The following MUC20 variants were observed in gnomAD, a reference collection of about 807,000 sequenced individuals.
MUC20 encodes the protein mucin 20, cell surface associated, also known as mucin-20.
MUC20 carries 14 observed loss-of-function variants against 23.8 expected under a neutral mutation model. The ratio of observed to expected loss-of-function variants is 0.59; its 90% CI spans 0.39 to 0.92. MUC20 has a LOEUF of 0.92. MUC20 is among the 40% of genes least tolerant of loss of function. The pLI, the probability that MUC20 is intolerant of heterozygous loss-of-function variation, is 0.00. For synonymous variants in MUC20, 166 were observed against 279.3 expected, an observed-to-expected ratio of 0.59 and a Z score of 4.04; for missense variants, 375 against 668.8, an observed-to-expected ratio of 0.56 and a Z score of 4.85.
chr3:195,728,647 CTT>C (rs1184606174), intron 2 of MUC20, among the ~76,000 whole-genome samples: 2 of 152,014 alleles, frequency 1.3e-5, no homozygotes, highest in African/African-American at 2.4e-5. Context: ...AGGAGATCCT[CTT>C]TTACTAATCC....
At chr3:195,728,464 G>A (rs1480376242) in intron 2 of MUC20, among the ~76,000 whole-genome samples, 1 of 152,266 alleles carries the variant, frequency 6.6e-6, no homozygotes, top group Admixed American at 6.5e-5. Context: ...AAACATCTCA[G>A]CAGAGTAAAG....
At chr3:195,728,589 C>A (rs1712988650) in intron 2 of MUC20, among the ~76,000 whole-genome samples, 1 of 152,144 alleles carries the variant, frequency 6.6e-6, no homozygotes, top group Non-Finnish European at 1.5e-5. Context: ...ACATTCAGTT[C>A]CCAGGGGCAG....
chr3:195,727,022 G>T (rs1316309953), intron 2 of MUC20, among the ~76,000 whole-genome samples: 80 of 152,410 alleles, frequency 5.2e-4, no homozygotes, highest in African/African-American at 1.8e-3. Flanking sequence ...CCAAGCTGCT[G>T]CTCTCTGACA....
At chr3:195,730,098 GCAA>G in intron 3 of MUC20, 1 of 33,648 alleles carries the variant, frequency 3.0e-5, no homozygotes, top group Non-Finnish European at 6.4e-5. Context: ...GGCAGTTTAT[GCAA>G]AAAAAAAAAA....
rs753512892 is a variant in MUC20, at chr3:195,733,302, C to A, written c.*84C>A. 8.6e-5 allele frequency: 133 copies of A among 1,547,884 alleles called. No homozygotes were observed. Among genetic ancestry groups the A allele is most frequent in the Non-Finnish European group, 1.1e-4 (124 of 1,145,044 alleles). ...CTGGGCCCCCACCGACAGACTGCAG[C>A]TGCGTTACTGTGCTGAGAGGTACCC... On this transcript the variant is annotated 3_prime_UTR_variant, in exon 4 of 4. Transcript: ENST00000447234.
At chr3:195,728,319 T>C (rs1712936843) in intron 2 of MUC20, among the ~76,000 whole-genome samples, 1 of 152,288 alleles carries the variant, frequency 6.6e-6, no homozygotes, top group Non-Finnish European at 1.5e-5. Flanking sequence ...AGGAATGTAG[T>C]AGGAGAGCAG....
In MUC20 at chr3:195,725,877, G is replaced by T. The variant is rs372066532; in HGVS notation, c.1274G>T (p.Ser425Ile). The T allele has an allele frequency of 4.0e-5, 64 of 1,607,944 alleles. No homozygotes were observed. In the African/African-American group the frequency reaches 7.1e-4, roughly 18 times the overall value. ...ACAAACATCGAGGTTATTAATTGCA[G>T]CATCACAGAAATAGAAACAACGACT... ...TVTNIEVINC[S>I]ITEIETTTSS... is the part of the protein sequence containing the mutation. Residue 425 changes from serine (S) to isoleucine (I), a missense_variant, in exon 2 of 4, where the codon AGC becomes ATC. By Grantham distance (142) the Ser-to-Ile change is moderately radical (BLOSUM62 -2). Coordinates refer to ENST00000447234, the MANE Select transcript of MUC20 (RefSeq NM_001282506.2).
chr3:195,730,597 G>A lies in MUC20; in HGVS notation c.2061+858G>A, dbSNP rs375673520. ...AATCTCCTGACCTCGTGATCCACCC[G>A]TCTTGGCCTCCCAAAGTGCTGGGAT... On this transcript the variant is annotated intron_variant, in intron 3 of 3. Coordinates refer to ENST00000447234, the MANE Select transcript of MUC20 (RefSeq NM_001282506.2). Among the ~76,000 whole-genome samples, 65 of 152,114 alleles carry A rather than the reference G, an allele frequency of 4.3e-4. 1 individual carries two copies. The highest frequency in any genetic ancestry group is 6.0e-4 in the Non-Finnish European group (41 of 68,002).
chr3:195,729,314 CTTTTTTT>C, intron 2 of MUC20: 6 of 167,146 alleles, frequency 3.6e-5, no homozygotes, highest in East Asian at 1.8e-4. Context: ...TCATCCTCCT[CTTTTTTT>C]TTTTTTTTTT....
chr3:195,726,264 T>C lies in MUC20; in HGVS notation c.1661T>C (p.Ile554Thr), dbSNP rs1242548248. 5.6e-6 allele frequency: 9 copies of C among 1,613,930 alleles called. No individual in the cohort carries two copies. In the African/African-American group the frequency reaches 8.0e-5, roughly 14 times the overall value. ...VKVSGAAPVSIEAGSAVGKTT... is the reference protein window; with the variant it reads ...VKVSGAAPVSTEAGSAVGKTT... ...GTCTCAGGAGCAGCTCCGGTCTCCATAGAGGCTGGGTCAGCAGTGGGCAAA... is the reference window on the plus strand; with the variant it reads ...GTCTCAGGAGCAGCTCCGGTCTCCACAGAGGCTGGGTCAGCAGTGGGCAAA... The change falls in exon 2 of 4, where the codon ATA becomes ACA. Residue 554 changes from isoleucine to threonine, a missense_variant. By Grantham distance (89) the Ile-to-Thr change is moderately conservative (BLOSUM62 -1). This residue lies in a region of MUC20 where 343 missense variants were observed against 340.2 expected (regional missense o/e 1.01). Transcript: ENST00000447234.
intron 1 of MUC20, 145 bp from the exon 2 acceptor site, chr3:195,724,532 CCTT>C (rs1045844952): frequency 2.1e-5 from 6 of 283,446 alleles, no homozygotes; most frequent in South Asian, 6.1e-5. Context: ...AGGACTGCCT[CCTT>C]CTTGTTCGCT....
intron 2 of MUC20, among the ~76,000 whole-genome samples, chr3:195,727,538 C>A (rs1206780984): frequency 6.6e-6 from 1 of 152,294 alleles, no homozygotes; most frequent in African/African-American, 2.4e-5. Context: ...CTTCCTGTCA[C>A]TCTGCCCTTG....
intron 2 of MUC20, 36 bp downstream of exon 2, chr3:195,726,608 G>T: frequency 1.3e-6 from 2 of 1,583,640 alleles, no homozygotes; most frequent in Non-Finnish European, 1.7e-6. Flanking sequence ...CGGGGATTTG[G>T]GATGCGGAGT....
intron 1 of MUC20, among the ~76,000 whole-genome samples, chr3:195,723,220 C>T (rs1712329172): frequency 7.2e-6 from 1 of 139,136 alleles, no homozygotes; most frequent in African/African-American, 2.8e-5. Flanking sequence ...TTGACTCCTG[C>T]GTCGTCATTC....
intron 2 of MUC20, among the ~76,000 whole-genome samples, chr3:195,728,366 A>G (rs1712947214): frequency 6.6e-6 from 1 of 152,288 alleles, no homozygotes; most frequent in Non-Finnish European, 1.5e-5. Context: ...GAAACATGTG[A>G]GCAAAAGAAT....
intron 2 of MUC20, among the ~76,000 whole-genome samples, chr3:195,727,003 G>A (rs140396166): frequency 0.039 from 5,960 of 151,266 alleles, 62 homozygotes; most frequent in African/African-American, 0.14. Flanking sequence ...CAGCAGGCAG[G>A]CATCAGGCCC....
At chr3:195,731,247 A>C (rs1713359782) in intron 3 of MUC20, among the ~76,000 whole-genome samples, 1 of 152,226 alleles carries the variant, frequency 6.6e-6, no homozygotes, top group African/African-American at 2.4e-5. Context: ...ACTGCTGAAA[A>C]GTGGCTCAGG....
intron 2 of MUC20, among the ~76,000 whole-genome samples, chr3:195,728,699 C>T (rs370331792): frequency 9.2e-5 from 14 of 151,786 alleles, no homozygotes; most frequent in East Asian, 5.8e-4. Flanking sequence ...GCCTGGGGGA[C>T]GGTCAGGTCT....
At position 195,733,450 on chromosome 3, in the gene MUC20, C is replaced by A; in HGVS notation, c.*232C>A. The A allele has an allele frequency of 7.0e-7, 1 of 1,420,818 alleles. No individual in the cohort carries two copies. Among genetic ancestry groups the A allele is most frequent in the South Asian group, 1.6e-5 (1 of 64,060 alleles). The allele number at this position is 1,420,818 out of a possible 1,614,324, so 88.0% of individuals were successfully genotyped here. On this transcript the variant is annotated 3_prime_UTR_variant, in exon 4 of 4. Transcript: ENST00000447234. ...GGCTTCACCTGTTCCCAGAGGTGTC[C>A]TTGGACTCACCTTGGCACATGTTCT... is the stretch of plus-strand genomic sequence containing the variant.
Sources: allele counts gnomAD v4.1 joint callset (sites outside exome capture counted in the v4.1 genomes callset), GRCh38; gene constraint gnomAD v4.1.1; regional missense constraint gnomAD v4.1.1; transcripts MANE v1.5; gene names NCBI Gene and HGNC (gene_info 2026-07-23, HGNC 2026-07-21).